The following CNTNAP2 variants were observed in gnomAD, a reference collection of about 807,000 sequenced individuals.
CNTNAP2 encodes contactin associated protein 2.
In CNTNAP2, 98 loss-of-function variants were observed where a neutral mutation model predicts 155.2. The ratio of observed to expected loss-of-function variants is 0.63; its 90% CI spans 0.54 to 0.75. CNTNAP2 has a LOEUF of 0.75. Ranked by LOEUF, CNTNAP2 falls within the 30% of genes least tolerant of loss-of-function variation. The pLI, the probability that CNTNAP2 is intolerant of heterozygous loss-of-function variation, is 0.00. For missense variants in CNTNAP2, 1,727 were observed against 1,688.1 expected, an observed-to-expected ratio of 1.02 and a Z score of -0.40; for synonymous variants, 651 against 631.2, an observed-to-expected ratio of 1.03 and a Z score of -0.47.
At position 147,762,132 on chromosome 7, in the gene CNTNAP2, T is replaced by TTC. The variant is rs72279270; in HGVS notation, c.2098+122844_2098+122845dup. On this transcript the variant is annotated intron_variant, in intron 13 of 23. Coordinates refer to ENST00000361727, the MANE Select transcript of CNTNAP2 (RefSeq NM_014141.6). ...ACACATTTATTTTTCTCTAATATGT[T>TTC]TCTCTCTCTCTCTCTCTCTGTCTCA... 8.1e-3 allele frequency among the ~76,000 whole-genome samples: 1,157 copies of TTC among 143,156 alleles called. 11 individuals are homozygous for TTC. The highest frequency in any genetic ancestry group is 0.027 in the African/African-American group (1,066 of 38,778). 93.9% of individuals were successfully genotyped at this position (143,156 alleles called of 152,430 possible). A position where few individuals can be genotyped will look rare whatever the true frequency, so the allele number is the denominator to read the frequency against.
chr7:146,947,022 AATTTATTT>A (rs952224561), intron 3 of CNTNAP2, among the ~76,000 whole-genome samples: 1 of 151,944 alleles, frequency 6.6e-6, no homozygotes, highest in Non-Finnish European at 1.5e-5. Flanking sequence ...TAAAAATATC[AATTTATTT>A]ATTTATTTAT....
At chr7:147,258,585 C>T (rs1010956647) in intron 8 of CNTNAP2, among the ~76,000 whole-genome samples, 6 of 152,082 alleles carry the variant, frequency 3.9e-5, no homozygotes, top group African/African-American at 1.4e-4. Context: ...TCACCTATAA[C>T]TGTATGATAC....
intron 15 of CNTNAP2, among the ~76,000 whole-genome samples, chr7:148,012,675 CATA>C (rs1314459068): frequency 6.6e-6 from 1 of 152,130 alleles, no homozygotes; most frequent in African/African-American, 2.4e-5. Flanking sequence ...GTGTCACACG[CATA>C]ATAAAAGTGT....
chr7:148,328,976 GAAAAAAAAAAAA>G (rs71188969), intron 21 of CNTNAP2, among the ~76,000 whole-genome samples: 4 of 69,254 alleles, frequency 5.8e-5, no homozygotes, highest in Admixed American at 4.5e-4. Flanking sequence ...ACTCTGTCTG[GAAAAAAAAAAAA>G]AAAAAAAAAA....
At chr7:148,407,703 TAAAAAAAAAAA>T (rs57666141) in intron 22 of CNTNAP2, among the ~76,000 whole-genome samples, 3 of 93,112 alleles carry the variant, frequency 3.2e-5, no homozygotes, top group Admixed American at 1.4e-4. Context: ...GACCAAATCT[TAAAAAAAAAAA>T]AAAAAAAAAA....
At chr7:147,293,769 C>T (rs1805361890) in intron 8 of CNTNAP2, among the ~76,000 whole-genome samples, 1 of 152,066 alleles carries the variant, frequency 6.6e-6, no homozygotes, top group African/African-American at 2.4e-5. Flanking sequence ...AAGAGTCTTA[C>T]TTTAAAAATG....
At position 147,411,671 on chromosome 7, in the gene CNTNAP2, C is replaced by A. The variant is rs146029835; in HGVS notation, c.1670+15891C>A. 2.0e-3 allele frequency among the ~76,000 whole-genome samples: 303 copies of A among 152,242 alleles called. 2 individuals are homozygous for A. The highest frequency in any genetic ancestry group is 7.1e-3 in the African/African-American group (294 of 41,548). On this transcript the variant is annotated intron_variant, in intron 10 of 23. Coordinates refer to ENST00000361727, the MANE Select transcript of CNTNAP2 (RefSeq NM_014141.6). Reference sequence around the variant, plus strand: ...TAAAGAAAGTAGGAGGGTCCACCTTCCGTTTTAAAAAGCCATTCCAGAAGT... The same window carrying A: ...TAAAGAAAGTAGGAGGGTCCACCTTACGTTTTAAAAAGCCATTCCAGAAGT...
At chr7:147,049,129 T>A (rs1480584383) in intron 4 of CNTNAP2, among the ~76,000 whole-genome samples, 1 of 152,192 alleles carries the variant, frequency 6.6e-6, no homozygotes, top group Non-Finnish European at 1.5e-5. Context: ...AGAGCCCTCG[T>A]GACCTACTCA....
At chr7:147,101,303 G>A (rs1328984335) in intron 4 of CNTNAP2, among the ~76,000 whole-genome samples, 1 of 152,190 alleles carries the variant, frequency 6.6e-6, no homozygotes, top group Non-Finnish European at 1.5e-5. Context: ...AGACGGGAGA[G>A]TTCCCTGGAC....
intron 9 of CNTNAP2, among the ~76,000 whole-genome samples, chr7:147,344,510 GA>G (rs1795815992): frequency 1.3e-5 from 2 of 152,152 alleles, no homozygotes; most frequent in African/African-American, 4.8e-5. Context: ...AGTCTTCAGA[GA>G]AGCTTGTGTG....
At chr7:146,124,867 T>G (rs1157286765) in intron 1 of CNTNAP2, among the ~76,000 whole-genome samples, 1 of 152,200 alleles carries the variant, frequency 6.6e-6, no homozygotes, top group Non-Finnish European at 1.5e-5. Context: ...ACTCAGTGGA[T>G]TTGAATGTGG....
intron 18 of CNTNAP2, among the ~76,000 whole-genome samples, chr7:148,205,295 A>C (rs1795431717): frequency 6.6e-6 from 1 of 152,254 alleles, no homozygotes; most frequent in South Asian, 2.1e-4. Flanking sequence ...CAACAGGCAC[A>C]AATCATGTAA....
chr7:148,057,420 T>A (rs1372465147), intron 15 of CNTNAP2, among the ~76,000 whole-genome samples: 1 of 152,086 alleles, frequency 6.6e-6, no homozygotes, highest in East Asian at 1.9e-4. Flanking sequence ...GGTCCTAACA[T>A]GAGGTCTCAC....
At chr7:146,148,800 A>G (rs2062289452) in intron 1 of CNTNAP2, among the ~76,000 whole-genome samples, 1 of 152,154 alleles carries the variant, frequency 6.6e-6, no homozygotes, top group Non-Finnish European at 1.5e-5. Flanking sequence ...ACATAATCTA[A>G]GGAAAGACAT....
chr7:146,135,279 A>G (rs867259613), intron 1 of CNTNAP2, among the ~76,000 whole-genome samples: 49 of 152,238 alleles, frequency 3.2e-4, no homozygotes, highest in African/African-American at 1.1e-3. Flanking sequence ...AGAAGGTATA[A>G]TAGTGTAGTT....
At chr7:146,846,703 T>G (rs568917990) in intron 3 of CNTNAP2, among the ~76,000 whole-genome samples, 1 of 152,106 alleles carries the variant, frequency 6.6e-6, no homozygotes, top group East Asian at 1.9e-4. Flanking sequence ...CTAACAAATA[T>G]GGTTATGTGT....
intron 9 of CNTNAP2, among the ~76,000 whole-genome samples, chr7:147,384,796 C>G (rs1344014038): frequency 6.6e-6 from 1 of 152,064 alleles, no homozygotes; most frequent in African/African-American, 2.4e-5. Context: ...TTAAAACTTA[C>G]CAAAAAAATT....
chr7:147,706,762 A>C (rs2117010834), intron 13 of CNTNAP2, among the ~76,000 whole-genome samples: 1 of 152,286 alleles, frequency 6.6e-6, no homozygotes, highest in East Asian at 1.9e-4. Flanking sequence ...CAGCACCCAG[A>C]ATTCAAACAT....
intron 15 of CNTNAP2, among the ~76,000 whole-genome samples, chr7:147,994,223 T>C (rs952709795): frequency 3.9e-5 from 6 of 151,952 alleles, no homozygotes; most frequent in Non-Finnish European, 8.8e-5. Context: ...AATAAAATAA[T>C]TAACCAGGTT....
Sources: gnomAD v4.1 joint callset for allele counts (sites outside exome capture counted in the v4.1 genomes callset) on GRCh38, gnomAD v4.1.1 for gene constraint, MANE v1.5 for transcripts, NCBI Gene and HGNC (gene_info 2026-07-23, HGNC 2026-07-21) for gene names.